TRIM38: variants seen among roughly 807,000 people sequenced by gnomAD.
TRIM38 encodes E3 ubiquitin-protein ligase TRIM38.
A neutral mutation model predicts 35.8 loss-of-function variants in TRIM38; 35 were observed. The observed-to-expected ratio is 0.98, with a 90% confidence interval of 0.75 to 1.30. TRIM38 has a LOEUF of 1.30. Ranked by LOEUF, TRIM38 falls within the 50% of genes most tolerant of loss-of-function variation. TRIM38 has a pLI of 0.00. For synonymous variants in TRIM38, 198 were observed against 204.7 expected, an observed-to-expected ratio of 0.97 and a Z score of 0.28; for missense variants, 545 against 556.9, an observed-to-expected ratio of 0.98 and a Z score of 0.21.
intron 7 of TRIM38, among the ~76,000 whole-genome samples, chr6:25,982,490 A>C (rs1428280546): frequency 6.6e-6 from 1 of 151,368 alleles, no homozygotes; most frequent in Non-Finnish European, 1.5e-5. Flanking sequence ...CACTTTATGC[A>C]CTCTTAACTT....
In TRIM38 at chr6:25,971,987, T is replaced by C; in HGVS notation, c.626T>C (p.Leu209Pro). The C allele has an allele frequency of 6.2e-7, 1 of 1,614,112 alleles. No individual in the cohort carries two copies. Among genetic ancestry groups the C allele is most frequent in the Non-Finnish European group, 8.5e-7 (1 of 1,180,006 alleles). Residue 209 changes from leucine (L) to proline (P), a missense_variant, in exon 5 of 8, where the codon CTG becomes CCG. Coordinates refer to ENST00000357085, the MANE Select transcript of TRIM38 (RefSeq NM_006355.5). Reference protein sequence around the residue: ...WRLEKEEQQTLSRLRDYEAGL... With the variant: ...WRLEKEEQQTPSRLRDYEAGL... ...CTGGAGAAAGAAGAACAACAGACTC[T>C]GAGTAGACTGAGGGACTATGAGGCT...
rs1760669663 is a variant in TRIM38, at chr6:25,984,862, T to C, written c.*1175T>C. Reference sequence around the variant, plus strand: ...CTCAAGGAAAAAAAAAATTAATGTTTACTGATATTTGTTGAAGTCCTACAA... The same window carrying C: ...CTCAAGGAAAAAAAAAATTAATGTTCACTGATATTTGTTGAAGTCCTACAA... On this transcript the variant is annotated 3_prime_UTR_variant, in exon 8 of 8. Transcript: ENST00000357085. The C allele has an allele frequency of 6.6e-6, 1 of 152,324 alleles. No individual in the cohort carries two copies. The highest frequency in any genetic ancestry group is 2.1e-4 in the South Asian group (1 of 4,834). The allele number at this position is 152,324 out of a possible 1,614,324, so 9.4% of individuals were successfully genotyped here.
rs1254792103 is a variant in TRIM38, at chr6:25,989,507, A to ATTTTTTTTTTTTTTTTTTTTTT, written c.*5822_*5823insTTTTTTTTTTTTTTTTTTTTTT. 1 of 109,938 alleles carries ATTTTTTTTTTTTTTTTTTTTTT rather than the reference A, an allele frequency of 9.1e-6. No homozygotes were observed. Among genetic ancestry groups the ATTTTTTTTTTTTTTTTTTTTTT allele is most frequent in the African/African-American group, 3.3e-5 (1 of 29,936 alleles). 6.8% of individuals were successfully genotyped at this position (109,938 alleles called of 1,614,324 possible). Reference sequence around the variant, plus strand: ...TTTGCTATTGTTAGCAAGGTCTTGTATTCTTTTTTTTTTTTTTTTTTTTTT... The same window carrying ATTTTTTTTTTTTTTTTTTTTTT: ...TTTGCTATTGTTAGCAAGGTCTTGTATTTTTTTTTTTTTTTTTTTTTTTTCTTTTTTTTTTTTTTTTTTTTTT... On this transcript the variant is annotated 3_prime_UTR_variant, in exon 8 of 8. Coordinates refer to ENST00000357085, the MANE Select transcript of TRIM38 (RefSeq NM_006355.5).
Position 25,987,628 on chromosome 6 carries a change from C to G in TRIM38, c.*3941C>G, listed in dbSNP as rs925957203. 1 of 152,074 alleles carries G rather than the reference C, an allele frequency of 6.6e-6. No homozygotes were observed. The highest frequency in any genetic ancestry group is 2.4e-5 in the African/African-American group (1 of 41,392). 9.4% of individuals were successfully genotyped at this position (152,074 alleles called of 1,614,324 possible). ...CTGTAACTATTGAAGCAAAAATGTC[C>G]CCCCACCATAGACATCCAGCACCAC... On this transcript the variant is annotated 3_prime_UTR_variant, in exon 8 of 8. Transcript: ENST00000357085.
intron 7 of TRIM38, among the ~76,000 whole-genome samples, chr6:25,981,295 C>T (rs541662394): frequency 2.0e-4 from 30 of 152,278 alleles, no homozygotes; most frequent in South Asian, 8.3e-4. Context: ...AGCCAGAGGG[C>T]GGAAAGCCTG....
chr6:25,964,815 C>CTTTT (rs35178475), intron 2 of TRIM38, among the ~76,000 whole-genome samples: 1 of 145,580 alleles, frequency 6.9e-6, no homozygotes, highest in Non-Finnish European at 1.5e-5. Context: ...ACCAATTATT[C>CTTTT]TTTTTTTTTT....
At chr6:25,972,960 T>A in intron 5 of TRIM38, 94 bp from the exon 6 acceptor site, 1 of 1,533,146 alleles carries the variant, frequency 6.5e-7, no homozygotes, top group Non-Finnish European at 9.0e-7. Context: ...TCTCTTTACT[T>A]CTTCGGGTAA....
At position 25,985,405 on chromosome 6, in the gene TRIM38, T is replaced by A. The variant is rs1760684303; in HGVS notation, c.*1718T>A. Reference sequence around the variant, plus strand: ...GTCACTTAAAAAATGTATTCTTTTCTTAAAATGCTATATAAGCCCAAGTTC... The same window carrying A: ...GTCACTTAAAAAATGTATTCTTTTCATAAAATGCTATATAAGCCCAAGTTC... On this transcript the variant is annotated 3_prime_UTR_variant, in exon 8 of 8. Transcript: ENST00000357085. 1 of 152,156 alleles carries A rather than the reference T, an allele frequency of 6.6e-6. No homozygotes were observed. Among genetic ancestry groups the A allele is most frequent in the Non-Finnish European group, 1.5e-5 (1 of 68,026 alleles). The allele number at this position is 152,156 out of a possible 1,614,324, so 9.4% of individuals were successfully genotyped here. A position where few individuals can be genotyped will look rare whatever the true frequency, so the allele number is the denominator to read the frequency against.
intron 7 of TRIM38, chr6:25,974,900 C>T (rs1561900106): frequency 2.0e-6 from 2 of 985,392 alleles, no homozygotes; most frequent in South Asian, 4.7e-5. Flanking sequence ...TCATCCTATA[C>T]AGATGACAGG....
intron 4 of TRIM38, among the ~76,000 whole-genome samples, chr6:25,969,653 A>T (rs1333434519): frequency 1.3e-5 from 2 of 152,238 alleles, no homozygotes; most frequent in Non-Finnish European, 2.9e-5. Context: ...GATTCCTGAT[A>T]CTTCAGTCAG....
intron 3 of TRIM38, 53 bp from the exon 4 acceptor site, chr6:25,969,272 C>T: frequency 7.7e-7 from 1 of 1,298,966 alleles, no homozygotes; most frequent in Non-Finnish European, 1.1e-6. Context: ...CCCCCTAGGT[C>T]CCTAATGAAG....
At position 25,987,597 on chromosome 6, in the gene TRIM38, C is replaced by T. The variant is rs1760749680; in HGVS notation, c.*3910C>T. The T allele has an allele frequency of 6.6e-6, 1 of 152,204 alleles. No individual in the cohort carries two copies. Among genetic ancestry groups the T allele is most frequent in the African/African-American group, 2.4e-5 (1 of 41,442 alleles). 9.4% of individuals were successfully genotyped at this position (152,204 alleles called of 1,614,324 possible). ...GCATTGTGGGAAACACAAACATTTA[C>T]TTCAACTGTAACTATTGAAGCAAAA... On this transcript the variant is annotated 3_prime_UTR_variant, in exon 8 of 8. Coordinates refer to ENST00000357085, the MANE Select transcript of TRIM38 (RefSeq NM_006355.5).
chr6:25,969,392 C>G lies in TRIM38; in HGVS notation c.479C>G (p.Ser160Cys). 1 of 1,611,220 alleles carries G rather than the reference C, an allele frequency of 6.2e-7. No individual in the cohort carries two copies. The highest frequency in any genetic ancestry group is 8.5e-7 in the Non-Finnish European group (1 of 1,178,616). Reference protein sequence around the residue: ...LEDRCTEQKLSTAMRITKWKE... With the variant: ...LEDRCTEQKLCTAMRITKWKE... ...GACAGATGTACGGAGCAGAAGCTGTCCACAGCAATGCGAATAACTAAATGG... is the reference window on the plus strand; with the variant it reads ...GACAGATGTACGGAGCAGAAGCTGTGCACAGCAATGCGAATAACTAAATGG... Residue 160 changes from serine (S) to cysteine (C), a missense_variant, in exon 4 of 8, where the codon TCC (serine) becomes TGC (cysteine). By Grantham distance (112) the Ser-to-Cys change is moderately radical. Coordinates refer to ENST00000357085, the MANE Select transcript of TRIM38 (RefSeq NM_006355.5).
In TRIM38 at chr6:25,987,207, C is replaced by CT. The variant is rs200033900; in HGVS notation, c.*3520_*3521insT. On this transcript the variant is annotated 3_prime_UTR_variant, in exon 8 of 8. Coordinates refer to ENST00000357085, the MANE Select transcript of TRIM38 (RefSeq NM_006355.5). Reference sequence around the variant, plus strand: ...AAAAGCTTAACAAAGGTACTCCCCGCCCCCCGCCCGCCACACACCATCCCC... The same window carrying CT: ...AAAAGCTTAACAAAGGTACTCCCCGCTCCCCCGCCCGCCACACACCATCCCC... The CT allele has an allele frequency of 4.1e-5, 2 of 49,218 alleles. No homozygotes were observed. Among genetic ancestry groups the CT allele is most frequent in the African/African-American group, 1.8e-4 (2 of 11,388 alleles). 3.0% of individuals were successfully genotyped at this position (49,218 alleles called of 1,614,324 possible).
chr6:25,973,578 A>G, intron 7 of TRIM38: 1 of 972,150 alleles, frequency 1.0e-6, no homozygotes, highest in Non-Finnish European at 1.2e-6. Context: ...AACAGCTCCT[A>G]CTTCATTGAG....
intron 7 of TRIM38, chr6:25,975,264 C>A (rs540210537): frequency 2.1e-5 from 9 of 425,164 alleles, no homozygotes; most frequent in Non-Finnish European, 2.5e-5. Flanking sequence ...GGCTGGCTTG[C>A]AGTGCCGCAA....
At chr6:25,971,753 T>C in intron 4 of TRIM38, 116 bp from the exon 5 acceptor site, 1 of 872,912 alleles carries the variant, frequency 1.1e-6, no homozygotes, top group Non-Finnish European at 1.8e-6. Context: ...TGCTTGAATG[T>C]CTTCAAGGCT....
At chr6:25,970,133 G>A (rs754120902) in intron 4 of TRIM38, among the ~76,000 whole-genome samples, 3 of 151,916 alleles carry the variant, frequency 2.0e-5, no homozygotes, top group South Asian at 2.1e-4. Context: ...GGCCAGGATG[G>A]TCTTGATCTC....
rs1251456585 is a variant in TRIM38, at chr6:25,989,604, T to A, written c.*5917T>A. On this transcript the variant is annotated 3_prime_UTR_variant, in exon 8 of 8. Transcript: ENST00000357085. Reference sequence around the variant, plus strand: ...CCAGGCCTAAAATGATCCTCCTGCCTTGGCCTTCCAAAGTACTGGGATTAC... The same window carrying A: ...CCAGGCCTAAAATGATCCTCCTGCCATGGCCTTCCAAAGTACTGGGATTAC... The A allele has an allele frequency of 1.3e-5, 2 of 151,036 alleles. No individual in the cohort carries two copies. Among genetic ancestry groups the A allele is most frequent in the African/African-American group, 4.9e-5 (2 of 41,142 alleles). 9.4% of individuals were successfully genotyped at this position (151,036 alleles called of 1,614,324 possible). A position where few individuals can be genotyped will look rare whatever the true frequency, so the allele number is the denominator to read the frequency against.
Sources: gnomAD v4.1 joint callset for allele counts (sites outside exome capture counted in the v4.1 genomes callset) on GRCh38, gnomAD v4.1.1 for gene constraint, MANE v1.5 for transcripts, NCBI Gene and HGNC (gene_info 2026-07-23, HGNC 2026-07-21) for gene names.